The following FHIT variants were observed in gnomAD, a reference collection of about 807,000 sequenced individuals.
The protein encoded by FHIT is fragile histidine triad diadenosine triphosphatase.
Under a neutral mutation model 17.9 loss-of-function variants are expected in FHIT, and 19 were observed. The observed-to-expected ratio is 1.06, with a 90% CI of 0.74 to 1.56. The LOEUF (loss-of-function observed/expected upper bound fraction) is 1.56. Ranked by LOEUF, FHIT falls within the 40% of genes most tolerant of loss-of-function variation. The pLI, the probability that FHIT is intolerant of heterozygous loss-of-function variation, is 0.00. For synonymous variants in FHIT, 81 were observed against 69.7 expected (o/e 1.16, Z -0.81); for missense variants, 248 against 189.2 (o/e 1.31, Z -1.82).
intron 2 of FHIT, among the ~76,000 whole-genome samples, chr3:61,047,018 A>G (rs2033822664): frequency 6.6e-6 from 1 of 152,212 alleles, no homozygotes; most frequent in South Asian, 2.1e-4. Flanking sequence ...TATTTATGAC[A>G]AACCCACAGC....
chr3:61,094,123 A>AGTGTGTGTGT (rs146715486), intron 2 of FHIT, among the ~76,000 whole-genome samples: 438 of 150,270 alleles, frequency 2.9e-3, no homozygotes, highest in African/African-American at 0.01. Context: ...AATGCAACCA[A>AGTGTGTGTGT]GTGTGTGTGT....
intron 5 of FHIT, among the ~76,000 whole-genome samples, chr3:60,269,619 G>T (rs897232624): frequency 6.6e-6 from 1 of 152,196 alleles, no homozygotes; most frequent in Non-Finnish European, 1.5e-5. Context: ...GAGGTAGGCA[G>T]TCTTTTATCT....
At chr3:60,770,373 C>T (rs1290255110) in intron 4 of FHIT, among the ~76,000 whole-genome samples, 1 of 152,054 alleles carries the variant, frequency 6.6e-6, no homozygotes, top group East Asian at 1.9e-4. Context: ...TATTCTTGCT[C>T]ATAATAATGT....
chr3:60,345,057 CTTTA>C (rs1310436773), intron 5 of FHIT, among the ~76,000 whole-genome samples: 2 of 152,148 alleles, frequency 1.3e-5, no homozygotes, highest in Admixed American at 6.6e-5. Flanking sequence ...AAATCATATG[CTTTA>C]TTTAAGATTA....
intron 4 of FHIT, among the ~76,000 whole-genome samples, chr3:60,686,770 T>C (rs2040870640): frequency 6.6e-6 from 1 of 152,168 alleles, no homozygotes. Context: ...CTCTGTCCCC[T>C]GGTTCATAAG....
rs146771268 is a variant in FHIT at position 60,350,481 on chromosome 3, G to A, written c.103+186379C>T. ...TATTATCTCCAAAATTGTACGTAACGTCACAATTTTTAAAACCATTATGTA... is the reference window on the plus strand; with the variant it reads ...TATTATCTCCAAAATTGTACGTAACATCACAATTTTTAAAACCATTATGTA... On this transcript the variant is annotated intron_variant, in intron 5 of 9. Transcript: ENST00000492590. Among the ~76,000 whole-genome samples the A allele has an allele frequency of 8.9e-3, 1,357 of 152,120 alleles. 22 individuals carry two copies. Among genetic ancestry groups the A allele is most frequent in the African/African-American group, 0.029 (1,195 of 41,506 alleles).
At chr3:60,436,691 G>A (rs1367401677) in intron 5 of FHIT, among the ~76,000 whole-genome samples, 2 of 151,996 alleles carry the variant, frequency 1.3e-5, no homozygotes, top group Non-Finnish European at 2.9e-5. Context: ...GACAAAAAAC[G>A]CTGCCTTCAT....
At chr3:60,782,975 CT>C (rs1700442985) in intron 4 of FHIT, among the ~76,000 whole-genome samples, 1 of 152,044 alleles carries the variant, frequency 6.6e-6, no homozygotes, top group South Asian at 2.1e-4. Context: ...TATTATCACA[CT>C]GGGTTGTTTT....
chr3:60,626,624 A>G (rs555161787), intron 4 of FHIT, among the ~76,000 whole-genome samples: 38 of 152,198 alleles, frequency 2.5e-4, no homozygotes, highest in African/African-American at 8.7e-4. Context: ...TCTTCTATAT[A>G]TAAGATTATG....
intron 5 of FHIT, among the ~76,000 whole-genome samples, chr3:60,466,056 A>T (rs553991674): frequency 1.3e-5 from 2 of 152,056 alleles, no homozygotes; most frequent in South Asian, 4.1e-4. Flanking sequence ...GTCCTCTTCA[A>T]TTTTTTACAT....
At chr3:60,252,377 C>T (rs1428053147) in intron 5 of FHIT, among the ~76,000 whole-genome samples, 2 of 151,860 alleles carry the variant, frequency 1.3e-5, no homozygotes, top group African/African-American at 4.8e-5. Flanking sequence ...AACCCCGTCT[C>T]TATAAAAAAA....
At chr3:60,078,683 T>C (rs1339213503) in intron 5 of FHIT, among the ~76,000 whole-genome samples, 1 of 152,112 alleles carries the variant, frequency 6.6e-6, no homozygotes, top group Non-Finnish European at 1.5e-5. Context: ...TCTAAGAAAA[T>C]GTCTTGTTTA....
At chr3:60,926,703 T>A (rs1417668271) in intron 3 of FHIT, among the ~76,000 whole-genome samples, 1 of 151,972 alleles carries the variant, frequency 6.6e-6, no homozygotes, top group Non-Finnish European at 1.5e-5. Flanking sequence ...ATAACTAACA[T>A]CAGAGCAGAA....
intron 9 of FHIT, chr3:59,751,324 T>G (rs1428154568): frequency 5.5e-6 from 1 of 180,442 alleles, no homozygotes; most frequent in African/African-American, 2.4e-5. Flanking sequence ...CACTGCAACC[T>G]CTGCCTCCCA....
At chr3:60,111,348 T>A (rs1704660672) in intron 5 of FHIT, among the ~76,000 whole-genome samples, 1 of 152,130 alleles carries the variant, frequency 6.6e-6, no homozygotes, top group African/African-American at 2.4e-5. Context: ...AAAATGCCCC[T>A]CTGGTAAGAC....
chr3:60,737,824 A>G (rs1284269603), intron 4 of FHIT, among the ~76,000 whole-genome samples: 1 of 152,202 alleles, frequency 6.6e-6, no homozygotes, highest in Non-Finnish European at 1.5e-5. Flanking sequence ...GTAAGTACAC[A>G]GTTGCTTTCT....
At chr3:60,857,596 G>A (rs1176050976) in intron 3 of FHIT, among the ~76,000 whole-genome samples, 3 of 152,132 alleles carry the variant, frequency 2.0e-5, no homozygotes, top group African/African-American at 4.8e-5. Context: ...GTTATAAAGA[G>A]TTCTTTATTG....
At chr3:60,654,957 G>A (rs527687729) in intron 4 of FHIT, among the ~76,000 whole-genome samples, 2 of 152,278 alleles carry the variant, frequency 1.3e-5, no homozygotes, top group South Asian at 2.1e-4. Context: ...CCTGTGATGT[G>A]TGGAGGCAAG....
At chr3:61,054,303 C>T (rs2034136746) in intron 2 of FHIT, among the ~76,000 whole-genome samples, 1 of 152,036 alleles carries the variant, frequency 6.6e-6, no homozygotes, top group Non-Finnish European at 1.5e-5. Context: ...AGTAATGTAG[C>T]TATAATTGAG....
Sources: gnomAD v4.1 joint callset for allele counts (sites outside exome capture counted in the v4.1 genomes callset) on GRCh38, gnomAD v4.1.1 for gene constraint, MANE v1.5 for transcripts, NCBI Gene and HGNC (gene_info 2026-07-23, HGNC 2026-07-21) for gene names.